WDPCP: variants seen among roughly 807,000 people sequenced by gnomAD.
WDPCP encodes the protein WD repeat-containing and planar cell polarity effector protein fritz homolog.
In WDPCP, 71 loss-of-function variants were observed where a neutral mutation model predicts 93.1. The ratio of observed to expected loss-of-function variants is 0.76; its 90% CI spans 0.63 to 0.93. The LOEUF is 0.93. WDPCP is among the 40% of genes least tolerant of loss of function. The pLI is 0.00. For missense variants in WDPCP, 844 were observed against 887.4 expected, an observed-to-expected ratio of 0.95 and a Z score of 0.62; for synonymous variants, 315 against 315.0, an observed-to-expected ratio of 1.00 and a Z score of 0.00.
intron 2 of WDPCP, among the ~76,000 whole-genome samples, chr2:63,797,837 A>G (rs1462877292): frequency 4.6e-5 from 7 of 152,120 alleles, no homozygotes; most frequent in African/African-American, 1.7e-4. Flanking sequence ...GTTATAGAAC[A>G]CCAAGCAGAT....
In WDPCP at chr2:63,381,978, G is replaced by T; in HGVS notation, c.1552C>A (p.His518Asn). 1 of 1,613,540 alleles carries T rather than the reference G, an allele frequency of 6.2e-7. No individual in the cohort carries two copies. The highest frequency in any genetic ancestry group is 2.2e-5 in the East Asian group (1 of 44,796). Residue 518 changes from histidine to asparagine, a missense_variant, in exon 11 of 18, where the codon CAC becomes AAC. His to Asn is a moderately conservative substitution (Grantham distance 68). Coordinates refer to ENST00000272321, the MANE Select transcript of WDPCP (RefSeq NM_015910.7). ...GCGCTCATGCTGATAAAGCACTGGT[G>T]GCCCAGAGTGTCCCAGTTCATGCTG... is the stretch of plus-strand genomic sequence containing the variant. ...LSSMNWDTLG[H>N]QCFISMSAIV...
chr2:63,381,683 G>A (rs1575281666), intron 11 of WDPCP, among the ~76,000 whole-genome samples: 1 of 152,188 alleles, frequency 6.6e-6, no homozygotes, highest in African/African-American at 2.4e-5. Context: ...TCCAACATAA[G>A]CATATACAGA....
chr2:63,745,616 T>G (rs1378556035), intron 2 of WDPCP, among the ~76,000 whole-genome samples: 1 of 149,988 alleles, frequency 6.7e-6, no homozygotes, highest in African/African-American at 2.5e-5. Flanking sequence ...TGCATTATGA[T>G]TAAAATCATA....
At chr2:63,452,809 C>T (rs1558654117) in intron 6 of WDPCP, among the ~76,000 whole-genome samples, 1 of 152,152 alleles carries the variant, frequency 6.6e-6, no homozygotes, top group Non-Finnish European at 1.5e-5. Flanking sequence ...ACTATCTGAT[C>T]TTTGACAAAC....
At chr2:63,335,309 TG>T (rs1266665306) in intron 12 of WDPCP, among the ~76,000 whole-genome samples, 1 of 152,186 alleles carries the variant, frequency 6.6e-6, no homozygotes, top group Non-Finnish European at 1.5e-5. Context: ...TATTCTTTCC[TG>T]GGCATGTCCT....
chr2:63,630,431 A>C (rs964827571), intron 3 of WDPCP, among the ~76,000 whole-genome samples: 1 of 152,332 alleles, frequency 6.6e-6, no homozygotes, highest in African/African-American at 2.4e-5. Flanking sequence ...TGAAAGTAAA[A>C]GAATGAAAAA....
At chr2:63,170,893 A>G in intron 15 of WDPCP, among the ~76,000 whole-genome samples, 1 of 152,186 alleles carries the variant, frequency 6.6e-6, no homozygotes, top group Non-Finnish European at 1.5e-5. Context: ...GCAGAATGAC[A>G]AATCCAGAAA....
intron 17 of WDPCP, among the ~76,000 whole-genome samples, chr2:63,138,468 T>G (rs1181668949): frequency 2.0e-5 from 3 of 151,522 alleles, no homozygotes; most frequent in African/African-American, 7.3e-5. Context: ...TTTTTTTTTT[T>G]TTTGAGACGG....
intron 12 of WDPCP, among the ~76,000 whole-genome samples, chr2:63,350,476 CAAA>C (rs33962210): frequency 7.6e-5 from 11 of 144,022 alleles, no homozygotes; most frequent in African/African-American, 7.7e-5. Context: ...CAACGAAACC[CAAA>C]AAAAAAAAAA....
At chr2:63,413,056 A>G (rs1411195020) in intron 9 of WDPCP, among the ~76,000 whole-genome samples, 1 of 152,258 alleles carries the variant, frequency 6.6e-6, no homozygotes, top group African/African-American at 2.4e-5. Context: ...AAGAGCCCAC[A>G]TAGCCAAAGC....
intron 2 of WDPCP, among the ~76,000 whole-genome samples, chr2:63,789,026 T>C (rs1670507937): frequency 6.6e-6 from 1 of 152,134 alleles, no homozygotes; most frequent in Admixed American, 6.5e-5. Context: ...GAACTACAGG[T>C]AAACACCACT....
intron 1 of WDPCP, among the ~76,000 whole-genome samples, chr2:63,496,988 T>A (rs1486053305): frequency 3.3e-5 from 5 of 151,414 alleles, no homozygotes; most frequent in African/African-American, 1.2e-4. Flanking sequence ...GGAATGCACC[T>A]GTAATCCCAG....
intron 17 of WDPCP, among the ~76,000 whole-genome samples, chr2:63,123,060 A>C (rs1002737156): frequency 2.6e-5 from 4 of 151,904 alleles, no homozygotes; most frequent in Admixed American, 2.0e-4. Context: ...AAAAAAAAAA[A>C]AACCTGGAAA....
chr2:63,233,276 GTTCTT>G (rs1679096302), intron 14 of WDPCP: 2 of 198,388 alleles, frequency 1.0e-5, no homozygotes, highest in Admixed American at 5.8e-5. Context: ...ATTCAATTTT[GTTCTT>G]TTCTTTTTTC....
At chr2:63,133,093 T>G (rs1484920627) in intron 17 of WDPCP, among the ~76,000 whole-genome samples, 1 of 152,256 alleles carries the variant, frequency 6.6e-6, no homozygotes, top group Non-Finnish European at 1.5e-5. Flanking sequence ...GCTAAAGGTC[T>G]TCTCAGGTCT....
chr2:63,750,777 T>C (rs1466890688), intron 2 of WDPCP, among the ~76,000 whole-genome samples: 1 of 152,188 alleles, frequency 6.6e-6, no homozygotes, highest in Admixed American at 6.5e-5. Flanking sequence ...AATGTGGTTA[T>C]AGTGATAAAT....
intron 14 of WDPCP, among the ~76,000 whole-genome samples, chr2:63,231,500 A>G (rs892133808): frequency 1.3e-5 from 2 of 152,184 alleles, no homozygotes; most frequent in African/African-American, 2.4e-5. Context: ...TACAAAATCA[A>G]TGTGCAAAAA....
chr2:63,723,539 C>T (rs1669456526), intron 2 of WDPCP, among the ~76,000 whole-genome samples: 1 of 152,160 alleles, frequency 6.6e-6, no homozygotes, highest in Non-Finnish European at 1.5e-5. Context: ...TCATCAGTGG[C>T]TGCCTAACCC....
intron 13 of WDPCP, among the ~76,000 whole-genome samples, chr2:63,280,463 A>G (rs1300776069): frequency 1.3e-5 from 2 of 152,154 alleles, no homozygotes; most frequent in Non-Finnish European, 2.9e-5. Context: ...GGGAGATACA[A>G]TTCAAGTTGA....
Sources: gnomAD v4.1 joint callset for allele counts (sites outside exome capture counted in the v4.1 genomes callset) on GRCh38, gnomAD v4.1.1 for gene constraint, MANE v1.5 for transcripts, NCBI Gene and HGNC (gene_info 2026-07-23, HGNC 2026-07-21) for gene names.